The following ITPA variants were observed in gnomAD, a reference collection of about 807,000 sequenced individuals.
ITPA encodes inosine triphosphatase, also known as inosine triphosphate pyrophosphatase.
Under a neutral mutation model 29.6 loss-of-function variants are expected in ITPA, and 29 were observed. That is an observed-to-expected ratio of 0.98 (90% CI 0.73 to 1.34). The LOEUF is 1.34. ITPA is among the 40% of genes most tolerant of loss of function. The pLI is 0.00. For missense variants in ITPA, 241 were observed against 251.5 expected, an observed-to-expected ratio of 0.96 and a Z score of 0.28; for synonymous variants, 103 against 99.3, an observed-to-expected ratio of 1.04 and a Z score of -0.22.
Position 3,215,223 on chromosome 20 carries a change from A to C in ITPA, c.264-58A>C, listed in dbSNP as rs370880780. On this transcript the variant is annotated intron_variant, in intron 4 of 7. Coordinates refer to ENST00000380113, the MANE Select transcript of ITPA (RefSeq NM_033453.4). ...CTGTCAATAGGGAACAGCCTGGAAAAGGTGGTAAGAAGATCCAGCTGCTCC... is the reference window on the plus strand; with the variant it reads ...CTGTCAATAGGGAACAGCCTGGAAACGGTGGTAAGAAGATCCAGCTGCTCC... 346 of 1,551,650 alleles carry C rather than the reference A, an allele frequency of 2.2e-4. 1 individual carries two copies. Among genetic ancestry groups the C allele is most frequent in the Middle Eastern group, 2.0e-3 (12 of 5,954 alleles).
chr20:3,208,215 C>A (rs1185972538), upstream of ITPA, among the ~76,000 whole-genome samples: 1 of 151,968 alleles, frequency 6.6e-6, no homozygotes, highest in African/African-American at 2.4e-5. Flanking sequence ...GTAAGGTGGG[C>A]TGTTTTTCTT....
intron 1 of ITPA, among the ~76,000 whole-genome samples, chr20:3,210,866 C>T (rs539836406): frequency 3.7e-4 from 57 of 152,014 alleles, no homozygotes; most frequent in Non-Finnish European, 7.8e-4. Context: ...GCCTGGCCAA[C>T]ATCATGAAAC....
upstream of ITPA, among the ~76,000 whole-genome samples, chr20:3,205,071 C>G (rs1282730313): frequency 6.6e-6 from 1 of 151,942 alleles, no homozygotes; most frequent in Non-Finnish European, 1.5e-5. Flanking sequence ...AGGCTGGTCT[C>G]GAACTCCTGA....
chr20:3,206,949 G>A (rs922220070), upstream of ITPA, among the ~76,000 whole-genome samples: 13 of 152,104 alleles, frequency 8.5e-5, no homozygotes, highest in African/African-American at 2.9e-4. Context: ...AATATGCAGA[G>A]GTTGCAGTGA....
intron 4 of ITPA, 118 bp from the exon 5 acceptor site, chr20:3,215,163 G>A: frequency 9.8e-7 from 1 of 1,018,060 alleles, no homozygotes; most frequent in South Asian, 1.3e-5. Context: ...CACCTCGCCT[G>A]GCTCTTGGAG....
intron 1 of ITPA, among the ~76,000 whole-genome samples, chr20:3,210,101 G>A (rs2067138875): frequency 6.6e-6 from 1 of 152,216 alleles, no homozygotes; most frequent in South Asian, 2.1e-4. Flanking sequence ...TGTGTGAAAT[G>A]GGGATGATGC....
At chr20:3,217,425 A>T (rs533433412) in intron 5 of ITPA, among the ~76,000 whole-genome samples, 1 of 152,130 alleles carries the variant, frequency 6.6e-6, no homozygotes, top group Non-Finnish European at 1.5e-5. Flanking sequence ...AATCACAGAC[A>T]TCATATCATC....
chr20:3,218,387 CG>C, intron 5 of ITPA, 129 bp from the exon 6 acceptor site: 1 of 731,334 alleles, frequency 1.4e-6, no homozygotes, highest in Non-Finnish European at 2.5e-6. Flanking sequence ...CTGCCGCCCC[CG>C]CTACCCCAAT....
At chr20:3,226,254 G>T (rs2067553149), downstream of ITPA, among the ~76,000 whole-genome samples, 1 of 152,128 alleles carries the variant, frequency 6.6e-6, no homozygotes, top group South Asian at 2.1e-4. This position sits in a 1 kb window ranked among gnomAD's most constrained non-coding sequence, Gnocchi z 4.4. Flanking sequence ...CAGCAGTTAG[G>T]TTGAATTGAA....
At chr20:3,216,575 T>C (rs1600514510) in intron 5 of ITPA, among the ~76,000 whole-genome samples, 1 of 151,470 alleles carries the variant, frequency 6.6e-6, no homozygotes, top group Non-Finnish European at 1.5e-5. Context: ...TGCCTCAGCC[T>C]CCCTAGTAGC....
At chr20:3,221,619 G>T (rs2067465366) in intron 6 of ITPA, 1 of 632,300 alleles carries the variant, frequency 1.6e-6, no homozygotes, top group Non-Finnish European at 2.9e-6. Flanking sequence ...GTGGTCCTGT[G>T]GGTCCATGCC....
intron 5 of ITPA, among the ~76,000 whole-genome samples, chr20:3,218,061 G>C (rs2067355335): frequency 6.6e-6 from 1 of 152,086 alleles, no homozygotes; most frequent in Non-Finnish European, 1.5e-5. Flanking sequence ...GGAGCTACAG[G>C]CATCAGCCAC....
intron 1 of ITPA, among the ~76,000 whole-genome samples, chr20:3,210,490 C>T (rs1244333353): frequency 6.6e-6 from 1 of 152,156 alleles, no homozygotes; most frequent in African/African-American, 2.4e-5. Context: ...TGTGGGGGAT[C>T]AGGATGACAC....
chr20:3,217,540 C>G (rs1344181666), intron 5 of ITPA, among the ~76,000 whole-genome samples: 1 of 152,020 alleles, frequency 6.6e-6, no homozygotes, highest in East Asian at 1.9e-4. Context: ...GTGGCTCAAT[C>G]TCGGCTCACT....
Position 3,213,795 on chromosome 20 carries a change from C to T in ITPA, c.190-190C>T, listed in dbSNP as rs115212870. Among the ~76,000 whole-genome samples the T allele has an allele frequency of 0.023, 3,567 of 152,294 alleles. 138 individuals are homozygous for T. Among genetic ancestry groups the T allele is most frequent in the African/African-American group, 0.081 (3,364 of 41,558 alleles). ...AGCAAGCTTTAACAATCGGCCAAAG[C>T]TTGGTGTCCTCATAAGATAAGAGAT... On this transcript the variant is annotated intron_variant, in intron 3 of 7. Transcript: ENST00000380113.
chr20:3,215,103 G>A, intron 4 of ITPA, 178 bp from the exon 5 acceptor site: 2 of 643,078 alleles, frequency 3.1e-6, no homozygotes, highest in Non-Finnish European at 5.6e-6. Flanking sequence ...CTGAGCTCAA[G>A]CGATCCGCCT....
chr20:3,217,725 T>C (rs2067339648), intron 5 of ITPA, among the ~76,000 whole-genome samples: 1 of 152,170 alleles, frequency 6.6e-6, no homozygotes, highest in African/African-American at 2.4e-5. Flanking sequence ...CGCCTTGGCC[T>C]CCCAAAGTGT....
At chr20:3,215,418 C>G in intron 5 of ITPA, 106 bp downstream of exon 5, 2 of 997,404 alleles carry the variant, frequency 2.0e-6, no homozygotes, top group Non-Finnish European at 3.2e-6. Context: ...GTTCTAGCCC[C>G]CACCATGGAG....
downstream of ITPA, among the ~76,000 whole-genome samples, chr20:3,225,795 A>G (rs1306446990): frequency 1.3e-5 from 2 of 152,158 alleles, no homozygotes; most frequent in Non-Finnish European, 2.9e-5. Context: ...TTGGGAGGCC[A>G]AGGCAGGCAG....
Sources: allele counts gnomAD v4.1 joint callset (sites outside exome capture counted in the v4.1 genomes callset), GRCh38; gene constraint gnomAD v4.1.1; non-coding constraint Gnocchi (gnomAD v3.1); transcripts MANE v1.5; gene names NCBI Gene and HGNC (gene_info 2026-07-23, HGNC 2026-07-21).